PFKP: variants seen among roughly 807,000 people sequenced by gnomAD.
PFKP encodes the protein phosphofructokinase, platelet, also known as ATP-dependent 6-phosphofructokinase, platelet type.
Under a neutral mutation model 94.3 loss-of-function variants are expected in PFKP, and 101 were observed. The ratio of observed to expected loss-of-function variants is 1.07; its 90% CI spans 0.91 to 1.26. The LOEUF is 1.26. Among genes scored for constraint, PFKP ranks in the 50% most tolerant of loss-of-function variants. PFKP has a pLI of 0.00. For missense variants in PFKP, 1,145 were observed against 1,103.3 expected (o/e 1.04, Z -0.53); for synonymous variants, 573 against 432.6 (o/e 1.32, Z -4.03).
At chr10:3,094,344 C>G (rs928833802) in intron 2 of PFKP, among the ~76,000 whole-genome samples, 83 of 152,220 alleles carry the variant, frequency 5.5e-4, no homozygotes, top group African/African-American at 2.0e-3. Flanking sequence ...CATTATTGGT[C>G]TTCCAAAGAA....
At chr10:3,097,883 C>G (rs545474290) in intron 2 of PFKP, among the ~76,000 whole-genome samples, 1 of 152,308 alleles carries the variant, frequency 6.6e-6, no homozygotes, top group African/African-American at 2.4e-5. Context: ...GTAGTGTGTT[C>G]CTGTAATCCC....
chr10:3,105,254 G>A (rs570956309), intron 6 of PFKP, 95 bp downstream of exon 6: 172 of 1,387,230 alleles, frequency 1.2e-4, no homozygotes, highest in African/African-American at 6.5e-4. Flanking sequence ...GAATGCTCCC[G>A]TGGAAAGTCC....
At chr10:3,121,251 C>T (rs1367163147) in intron 16 of PFKP, among the ~76,000 whole-genome samples, 1 of 142,820 alleles carries the variant, frequency 7.0e-6, no homozygotes, top group Admixed American at 7.8e-5. Flanking sequence ...CTGACCTAGA[C>T]GTTGCTTCTG....
At chr10:3,121,820 T>C (rs1341688508) in intron 16 of PFKP, among the ~76,000 whole-genome samples, 4 of 44,482 alleles carry the variant, frequency 9.0e-5, no homozygotes, top group African/African-American at 1.4e-4. Context: ...TTTTTTTTTT[T>C]TTTTTTTTTT....
chr10:3,071,304 CTCTT>C (rs955720699), intron 1 of PFKP, among the ~76,000 whole-genome samples: 18 of 152,038 alleles, frequency 1.2e-4, no homozygotes, highest in Admixed American at 9.2e-4. Flanking sequence ...AATTGAAAAT[CTCTT>C]TCTCTTTTCT....
intron 10 of PFKP, among the ~76,000 whole-genome samples, chr10:3,111,614 T>C (rs1836243327): frequency 6.6e-6 from 1 of 152,052 alleles, no homozygotes; most frequent in South Asian, 2.1e-4. Flanking sequence ...ACCTTAGAGA[T>C]AGCTGGAAGT....
chr10:3,101,412 G>A lies in PFKP; in HGVS notation c.312G>A (p.Arg104=), dbSNP rs772772778. Residue 104 remains arginine (R), a synonymous_variant, in exon 4 of 22, where the codon CGG becomes CGA. Coordinates refer to ENST00000381125, the MANE Select transcript of PFKP (RefSeq NM_002627.5). ...CGCGGTGCCAGGCCTTCCGCACGCG[G>A]GAAGGCCGCCTGAAGGCTGCTTGCA... ...GSARCQAFRT[R]EGRLKAACNL... The A allele has an allele frequency of 2.0e-5, 32 of 1,605,166 alleles. No homozygotes were observed. In the South Asian group the frequency reaches 3.1e-4, roughly 16 times the overall value.
intron 20 of PFKP, among the ~76,000 whole-genome samples, chr10:3,134,914 GTTT>G (rs1839050062): frequency 6.6e-6 from 1 of 152,194 alleles, no homozygotes; most frequent in African/African-American, 2.4e-5. Context: ...TTTTTTGAAT[GTTT>G]GCTAGGACAA....
chr10:3,113,293 T>A, intron 12 of PFKP, 79 bp from the exon 13 acceptor site: 1 of 1,574,364 alleles, frequency 6.4e-7, no homozygotes. Flanking sequence ...TGGCACGGCA[T>A]GAGCCACTGC....
intron 1 of PFKP, among the ~76,000 whole-genome samples, chr10:3,079,657 C>T (rs1189056461): frequency 7.7e-4 from 6 of 7,816 alleles, no homozygotes; most frequent in East Asian, 5.9e-3. Flanking sequence ...CTTCAGAGAG[C>T]GGGGTGGGGG....
chr10:3,088,911 TTC>T (rs1404602500), intron 2 of PFKP, among the ~76,000 whole-genome samples: 3 of 152,082 alleles, frequency 2.0e-5, no homozygotes, highest in African/African-American at 7.2e-5. Context: ...CAGGCAATGT[TTC>T]TCTTTTTATG....
chr10:3,111,273 C>T (rs899366798), intron 10 of PFKP, among the ~76,000 whole-genome samples: 21 of 148,400 alleles, frequency 1.4e-4, no homozygotes, highest in South Asian at 4.4e-4. Flanking sequence ...TGTGAGGTAG[C>T]GTGTGTCTGC....
At chr10:3,069,179 GC>G in intron 1 of PFKP, 1 of 1,210,430 alleles carries the variant, frequency 8.3e-7, no homozygotes, top group Non-Finnish European at 1.0e-6. Flanking sequence ...GCAGCGCCAG[GC>G]CCCGCCCCGC....
chr10:3,078,377 C>G (rs1275011181), intron 1 of PFKP, among the ~76,000 whole-genome samples: 1 of 152,206 alleles, frequency 6.6e-6, no homozygotes, highest in East Asian at 1.9e-4. Context: ...TCCCTCCAAA[C>G]CCCTCACTGA....
At chr10:3,096,552 C>T (rs1425947019) in intron 2 of PFKP, among the ~76,000 whole-genome samples, 2 of 152,054 alleles carry the variant, frequency 1.3e-5, no homozygotes, top group Non-Finnish European at 1.5e-5. Flanking sequence ...GTCATCTTTT[C>T]TCTCCTCCTG....
At chr10:3,088,169 C>G (rs11251707) in intron 2 of PFKP, among the ~76,000 whole-genome samples, 54,344 of 124,354 alleles carry the variant, frequency 0.44, 12,106 homozygotes, top group Middle Eastern at 0.62. Flanking sequence ...CAACAGGCCC[C>G]GGTGTGTGAT....
At chr10:3,077,551 G>C (rs1009562117) in intron 1 of PFKP, among the ~76,000 whole-genome samples, 7 of 151,594 alleles carry the variant, frequency 4.6e-5, no homozygotes, top group African/African-American at 7.3e-5. Flanking sequence ...CAGGCATGAG[G>C]CATCGTGCCT....
At chr10:3,089,969 G>A (rs1833919796) in intron 2 of PFKP, among the ~76,000 whole-genome samples, 2 of 152,002 alleles carry the variant, frequency 1.3e-5, no homozygotes, top group Middle Eastern at 3.4e-3. Flanking sequence ...TTTTATTTAA[G>A]CTTAAATGTA....
At position 3,119,809 on chromosome 10, in the gene PFKP, G is replaced by A. The variant is rs149992810; in HGVS notation, c.1531-83G>A. 2.6e-3 allele frequency: 3,322 copies of A among 1,292,136 alleles called. 9 individuals carry two copies. Among genetic ancestry groups the A allele is most frequent in the Admixed American group, 3.3e-3 (185 of 56,502 alleles). 80.0% of individuals were successfully genotyped at this position (1,292,136 alleles called of 1,614,324 possible). On this transcript the variant is annotated intron_variant, in intron 15 of 21. Coordinates refer to ENST00000381125, the MANE Select transcript of PFKP (RefSeq NM_002627.5). ...TGTGCTCCCTGCGTGCTGTGGTGGA[G>A]GTGGCGCTCCCAGCCTCTCCCAGCG...
Sources: allele counts gnomAD v4.1 joint callset (sites outside exome capture counted in the v4.1 genomes callset), GRCh38; gene constraint gnomAD v4.1.1; transcripts MANE v1.5; gene names NCBI Gene and HGNC (gene_info 2026-07-23, HGNC 2026-07-21).